Variants in C8B observed in about 807,000 individuals in gnomAD.
The protein encoded by C8B is complement C8 beta chain.
A neutral mutation model predicts 64.6 loss-of-function variants in C8B; 67 were observed. The observed-to-expected ratio is 1.04, with a 90% CI of 0.85 to 1.27. C8B has a LOEUF of 1.27. Among genes scored for constraint, C8B ranks in the 50% most tolerant of loss-of-function variants. The probability of loss-of-function intolerance (pLI) is 0.00; values close to 1 mark genes in which losing one functional copy is unlikely to be tolerated. For synonymous variants in C8B, 284 were observed against 257.7 expected (o/e 1.10, Z -0.98); for missense variants, 790 against 725.2 (o/e 1.09, Z -1.03).
intron 8 of C8B, among the ~76,000 whole-genome samples, chr1:56,941,423 G>A (rs1644853501): frequency 6.6e-6 from 1 of 152,110 alleles, no homozygotes; most frequent in South Asian, 2.1e-4. Flanking sequence ...GTAGATAGGT[G>A]ATAGGAGATA....
At chr1:56,942,701 C>G (rs1291325590) in intron 8 of C8B, among the ~76,000 whole-genome samples, 2 of 151,622 alleles carry the variant, frequency 1.3e-5, no homozygotes, top group Admixed American at 6.6e-5. Context: ...GAGACTCCAT[C>G]TCAAAAAAAA....
At chr1:56,956,646 A>G (rs1645107272) in intron 3 of C8B, 123 bp downstream of exon 3, 1 of 974,882 alleles carries the variant, frequency 1.0e-6, no homozygotes, top group Non-Finnish European at 1.6e-6. Flanking sequence ...TTTTAGGACA[A>G]GGAGGCCTCC....
chr1:56,942,753 C>A (rs1644882217), intron 8 of C8B, among the ~76,000 whole-genome samples: 1 of 151,866 alleles, frequency 6.6e-6, no homozygotes, highest in South Asian at 2.1e-4. Context: ...GAGCCTGCAA[C>A]ACCTGAGCAG....
At chr1:56,949,904 C>A in intron 5 of C8B, 152 bp from the exon 6 acceptor site, 1 of 661,680 alleles carries the variant, frequency 1.5e-6, no homozygotes. Flanking sequence ...GTGTCCCCAC[C>A]TCAGGGCTCT....
At chr1:56,948,255 A>T (rs1412511270) in intron 6 of C8B, among the ~76,000 whole-genome samples, 1 of 152,184 alleles carries the variant, frequency 6.6e-6, no homozygotes, top group Non-Finnish European at 1.5e-5. Flanking sequence ...GCTAGGAGAC[A>T]AACTATTTAG....
chr1:56,958,494 T>TG (rs996077541), intron 2 of C8B, among the ~76,000 whole-genome samples: 1 of 150,974 alleles, frequency 6.6e-6, no homozygotes, highest in Non-Finnish European at 1.5e-5. Context: ...GAGAACACTG[T>TG]GAAAAAAAAA....
chr1:56,943,731 A>G lies in C8B; in HGVS notation c.1199T>C (p.Val400Ala), dbSNP rs1644899727. Residue 400 changes from valine (V) to alanine (A), a missense_variant, in exon 8 of 12, where the codon GTA becomes GCA. Transcript: ENST00000371237. ...EEVYVSLGVS[V>A]GKCRGILNEI... The stretch of plus-strand genomic sequence containing the variant: ...ATTCAGAATACCTCTGCATTTGCCT[A>G]CAGACACACCCAGACTGACGTAGAC... 1.9e-6 allele frequency: 3 copies of G among 1,614,116 alleles called. No homozygotes were observed. The East Asian group carries it at 6.7e-5, about 36-fold the overall frequency.
chr1:56,931,458 T>A (rs966472069), intron 11 of C8B: 2 of 336,322 alleles, frequency 5.9e-6, no homozygotes, highest in Non-Finnish European at 5.8e-6. Context: ...ATTAGAGGAA[T>A]TTTTTATGGA....
chr1:56,933,941 A>G (rs1000309099), intron 9 of C8B, among the ~76,000 whole-genome samples: 5 of 152,056 alleles, frequency 3.3e-5, no homozygotes, highest in Non-Finnish European at 7.4e-5. Context: ...GAAGGATTAT[A>G]GGGGTACTGT....
In C8B at chr1:56,956,905, C is replaced by T. The variant is rs530181040; in HGVS notation, c.255G>A (p.Arg85=). 119 of 1,614,054 alleles carry T rather than the reference C, an allele frequency of 7.4e-5. No homozygotes were observed. The South Asian group carries it at 1.2e-3, about 16-fold the overall frequency. The change falls in exon 3 of 12, where the codon AGG becomes AGA. Residue 85 remains arginine, a synonymous_variant. Coordinates refer to ENST00000371237, the MANE Select transcript of C8B (RefSeq NM_000066.4). ...TCDPCQKKRY[R]YAYLLQPSQF... ...GAGAGGGCTGGAGCAAGTAGGCATACCTGTACTGTAGCAGAGAGGAGCCAG... is the reference window on the plus strand; with the variant it reads ...GAGAGGGCTGGAGCAAGTAGGCATATCTGTACTGTAGCAGAGAGGAGCCAG...
chr1:56,944,943 G>A (rs1644919832), intron 7 of C8B, among the ~76,000 whole-genome samples: 1 of 152,192 alleles, frequency 6.6e-6, no homozygotes, highest in Non-Finnish European at 1.5e-5. Context: ...CAGCAGACTT[G>A]TAGTTGACTG....
chr1:56,929,666 C>T, intron 11 of C8B, 108 bp from the exon 12 acceptor site: 1 of 1,003,764 alleles, frequency 1.0e-6, no homozygotes, highest in Non-Finnish European at 1.5e-6. Context: ...GTCTGAATCT[C>T]TGAGCTCCCT....
At chr1:56,943,945 T>C (rs1392298176) in intron 7 of C8B, 121 bp from the exon 8 acceptor site, 3 of 1,093,754 alleles carry the variant, frequency 2.7e-6, no homozygotes, top group East Asian at 2.6e-5. Flanking sequence ...TTCAAATAAA[T>C]AGGTCACCAG....
At chr1:56,955,176 C>T (rs1645084404) in intron 3 of C8B, among the ~76,000 whole-genome samples, 1 of 152,104 alleles carries the variant, frequency 6.6e-6, no homozygotes, top group Non-Finnish European at 1.5e-5. Context: ...AATTTACTCA[C>T]CTGTAAAATA....
chr1:56,951,240 G>C (rs1645016906), intron 5 of C8B, among the ~76,000 whole-genome samples: 1 of 152,006 alleles, frequency 6.6e-6, no homozygotes, highest in Admixed American at 6.5e-5. Flanking sequence ...ACCACACCCG[G>C]CTAGAAAAAA....
chr1:56,939,272 A>G (rs1162171264), intron 9 of C8B, among the ~76,000 whole-genome samples: 2 of 152,222 alleles, frequency 1.3e-5, no homozygotes, highest in African/African-American at 4.8e-5. Context: ...GGCCAAGCCC[A>G]GATTTCTCAG....
chr1:56,954,918 T>C, intron 3 of C8B, 91 bp from the exon 4 acceptor site: 3 of 1,450,784 alleles, frequency 2.1e-6, no homozygotes, highest in Non-Finnish European at 2.9e-6. Context: ...CCAGACCTTT[T>C]GTCAGGCCTT....
chr1:56,954,664 C>G (rs759327902), intron 4 of C8B, 22 bp downstream of exon 4: 3 of 1,613,976 alleles, frequency 1.9e-6, no homozygotes, highest in Non-Finnish European at 2.5e-6. Context: ...CCCATCTACG[C>G]CACAGAAAAA....
At chr1:56,959,272 A>G (rs1159200965) in intron 2 of C8B, among the ~76,000 whole-genome samples, 1 of 152,244 alleles carries the variant, frequency 6.6e-6, no homozygotes, top group Non-Finnish European at 1.5e-5. Context: ...TGGTCTACAC[A>G]TTGAAAATGC....
Sources: gnomAD v4.1 joint callset for allele counts (sites outside exome capture counted in the v4.1 genomes callset) on GRCh38, gnomAD v4.1.1 for gene constraint, MANE v1.5 for transcripts, NCBI Gene and HGNC (gene_info 2026-07-23, HGNC 2026-07-21) for gene names.